PLXNA2: variants seen among roughly 807,000 people sequenced by gnomAD.
PLXNA2 encodes plexin-A2.
A neutral mutation model predicts 193.5 loss-of-function variants in PLXNA2; 91 were observed. The observed-to-expected ratio is 0.47, with a 90% CI of 0.40 to 0.56. The LOEUF is 0.56. PLXNA2 is among the 20% of genes least tolerant of loss of function. The pLI is 0.00. For missense variants in PLXNA2, 1,995 were observed against 2,503.2 expected, an observed-to-expected ratio of 0.80 and a Z score of 4.33; for synonymous variants, 997 against 1,027.3, an observed-to-expected ratio of 0.97 and a Z score of 0.56.
intron 3 of PLXNA2, among the ~76,000 whole-genome samples, chr1:208,186,664 G>C (rs1670007814): frequency 6.6e-6 from 1 of 151,986 alleles, no homozygotes; most frequent in Non-Finnish European, 1.5e-5. Context: ...CATCTGTAGA[G>C]AAGTAGCTAA....
At chr1:208,152,786 A>G (rs1668810782) in intron 3 of PLXNA2, among the ~76,000 whole-genome samples, 1 of 151,362 alleles carries the variant, frequency 6.6e-6, no homozygotes, top group Admixed American at 6.6e-5. Flanking sequence ...TCAGGAGTCT[A>G]GCTAACATGG....
intron 3 of PLXNA2, among the ~76,000 whole-genome samples, chr1:208,184,470 T>G (rs1781027): frequency 0.96 from 145,581 of 151,748 alleles, 70,126 homozygotes; most frequent in East Asian, 1. Flanking sequence ...CCCTAGATAA[T>G]GTGGGTGTGG....
intron 13 of PLXNA2, among the ~76,000 whole-genome samples, chr1:208,056,597 TG>T (rs1015615733): frequency 6.6e-6 from 1 of 152,114 alleles, no homozygotes; most frequent in African/African-American, 2.4e-5. Context: ...TTTTCCTGCT[TG>T]GGGCTCATGT....
At chr1:208,112,145 T>G (rs997077520) in intron 4 of PLXNA2, among the ~76,000 whole-genome samples, 1 of 152,040 alleles carries the variant, frequency 6.6e-6, no homozygotes, top group South Asian at 2.1e-4. Context: ...TTCAATGACA[T>G]TTTTTTTCCT....
At chr1:208,063,801 A>G (rs1665693118) in intron 12 of PLXNA2, among the ~76,000 whole-genome samples, 2 of 152,210 alleles carry the variant, frequency 1.3e-5, no homozygotes, top group Admixed American at 1.3e-4. Flanking sequence ...TCCAAAACAT[A>G]GATGAAGTGG....
At chr1:208,209,838 G>A (rs1034937231) in intron 3 of PLXNA2, 4 of 211,522 alleles carry the variant, frequency 1.9e-5, no homozygotes, top group Non-Finnish European at 3.8e-5. Context: ...ATTGGGACCA[G>A]TAATCTGCTT....
At chr1:208,227,756 C>A (rs930736406) in intron 1 of PLXNA2, among the ~76,000 whole-genome samples, 1 of 152,106 alleles carries the variant, frequency 6.6e-6, no homozygotes. Flanking sequence ...AGAGCAATTC[C>A]AAATGATATT....
At chr1:208,163,629 T>C (rs530194076) in intron 3 of PLXNA2, among the ~76,000 whole-genome samples, 4 of 152,312 alleles carry the variant, frequency 2.6e-5, no homozygotes, top group South Asian at 4.1e-4. Context: ...AGCTTAAATA[T>C]TGCTTCCCCA....
intron 12 of PLXNA2, among the ~76,000 whole-genome samples, chr1:208,075,707 C>T (rs545667081): frequency 8.5e-5 from 13 of 152,162 alleles, no homozygotes; most frequent in African/African-American, 3.1e-4. Context: ...ATTACTTCTA[C>T]ATTTTTTAGT....
At chr1:208,140,835 C>G (rs1668436815) in intron 4 of PLXNA2, among the ~76,000 whole-genome samples, 1 of 152,240 alleles carries the variant, frequency 6.6e-6, no homozygotes, top group Non-Finnish European at 1.5e-5. Context: ...GGGTACCTGT[C>G]TCTCTCTTGT....
chr1:208,134,702 T>A (rs515352), intron 4 of PLXNA2, among the ~76,000 whole-genome samples: 145,167 of 152,174 alleles, frequency 0.95, 69,607 homozygotes, highest in East Asian at 1. Flanking sequence ...TGTTACTGAG[T>A]CCTTGCCCGC....
intron 3 of PLXNA2, among the ~76,000 whole-genome samples, chr1:208,164,362 A>G (rs1333084764): frequency 6.6e-6 from 1 of 152,218 alleles, no homozygotes; most frequent in Non-Finnish European, 1.5e-5. Context: ...AACCCTGTTC[A>G]GGACTCTGCA....
At chr1:208,150,266 G>T (rs932671270) in intron 3 of PLXNA2, among the ~76,000 whole-genome samples, 1 of 152,130 alleles carries the variant, frequency 6.6e-6, no homozygotes, top group African/African-American at 2.4e-5. Context: ...GTCAATCTTC[G>T]GTTAACACTG....
intron 1 of PLXNA2, among the ~76,000 whole-genome samples, chr1:208,232,730 A>T (rs1437712913): frequency 1.3e-5 from 2 of 152,164 alleles, no homozygotes; most frequent in East Asian, 3.9e-4. Context: ...CATGATTAGG[A>T]GAATTCTGGC....
intron 3 of PLXNA2, among the ~76,000 whole-genome samples, chr1:208,147,264 C>G (rs1017529849): frequency 1.1e-4 from 17 of 152,106 alleles, no homozygotes; most frequent in Non-Finnish European, 2.2e-4. Context: ...CTCCAGTGAT[C>G]CTCCCACCTC....
intron 4 of PLXNA2, among the ~76,000 whole-genome samples, chr1:208,128,012 A>G (rs765779030): frequency 2.6e-5 from 4 of 152,196 alleles, no homozygotes; most frequent in Non-Finnish European, 5.9e-5. Flanking sequence ...CCTGGGAGTC[A>G]GGGAACCCAC....
chr1:208,169,280 C>T (rs776877696), intron 3 of PLXNA2, among the ~76,000 whole-genome samples: 4 of 152,190 alleles, frequency 2.6e-5, no homozygotes, highest in Non-Finnish European at 5.9e-5. Flanking sequence ...ACAGGACACA[C>T]ATTCAAAAAC....
At chr1:208,101,600 C>A (rs1667098765) in intron 5 of PLXNA2, among the ~76,000 whole-genome samples, 1 of 152,232 alleles carries the variant, frequency 6.6e-6, no homozygotes, top group African/African-American at 2.4e-5. Flanking sequence ...GGCTGACCTG[C>A]ACCAGGAGGA....
rs199910807 is a variant in PLXNA2, at chr1:208,031,580, G to A, written c.5225+10C>T. 1.6e-3 allele frequency: 2,656 copies of A among 1,613,928 alleles called. 5 individuals are homozygous for A. Among genetic ancestry groups the A allele is most frequent in the Non-Finnish European group, 2.1e-3 (2,475 of 1,179,918 alleles). ...GGCTGCACCTCCTGCTGAGCTCCCCGAGGGTTTACCAGTTGCTTTTCCAGG... is the reference window on the plus strand; with the variant it reads ...GGCTGCACCTCCTGCTGAGCTCCCCAAGGGTTTACCAGTTGCTTTTCCAGG... On this transcript the variant is annotated intron_variant, in intron 29 of 31. Transcript: ENST00000367033.
Sources: allele counts gnomAD v4.1 joint callset (sites outside exome capture counted in the v4.1 genomes callset), GRCh38; gene constraint gnomAD v4.1.1; transcripts MANE v1.5; gene names NCBI Gene and HGNC (gene_info 2026-07-23, HGNC 2026-07-21).